Variants in CSPP1 observed in about 807,000 individuals in gnomAD.
The protein encoded by CSPP1 is centrosome and spindle pole-associated protein 1.
Under a neutral mutation model 164.4 loss-of-function variants are expected in CSPP1, and 126 were observed. The ratio of observed to expected loss-of-function variants is 0.77; its 90% CI spans 0.66 to 0.89. The LOEUF (loss-of-function observed/expected upper bound fraction) is 0.89, where lower values mean the gene tolerates loss of function less well. Among genes scored for constraint, CSPP1 ranks in the 40% least tolerant of loss-of-function variants. CSPP1 has a pLI of 0.00. For synonymous variants in CSPP1, 472 were observed against 476.7 expected, an observed-to-expected ratio of 0.99 and a Z score of 0.13; for missense variants, 1,395 against 1,449.8, an observed-to-expected ratio of 0.96 and a Z score of 0.61.
rs114031030 is a variant in CSPP1 at position 67,070,157 on chromosome 8, T to C, written c.-10-4086T>C. Among the ~76,000 whole-genome samples, 327 of 152,122 alleles carry C rather than the reference T, an allele frequency of 2.1e-3. 1 individual carries two copies. The highest frequency in any genetic ancestry group is 6.7e-3 in the African/African-American group (280 of 41,526). On this transcript the variant is annotated intron_variant, in intron 1 of 30. Coordinates refer to ENST00000678616, the MANE Select transcript of CSPP1 (RefSeq NM_001382391.1). ...ACTAGGAAAAATCTTTCGTGACTATTAGCAAATTAAAAATGGCTGAAATAA... is the reference window on the plus strand; with the variant it reads ...ACTAGGAAAAATCTTTCGTGACTATCAGCAAATTAAAAATGGCTGAAATAA...
intron 9 of CSPP1, among the ~76,000 whole-genome samples, chr8:67,108,639 T>A (rs1343553617): frequency 1.3e-5 from 2 of 152,172 alleles, no homozygotes; most frequent in African/African-American, 4.8e-5. Context: ...CCCTCCACAC[T>A]TTCCCCTTCT....
chr8:67,184,744 T>TAATAATAATAATAATA (rs1554621539), intron 28 of CSPP1, among the ~76,000 whole-genome samples: 2 of 142,498 alleles, frequency 1.4e-5, no homozygotes, highest in African/African-American at 5.3e-5. Flanking sequence ...AATAAAAAAA[T>TAATAATAATAATAATA]ATAATAATAA....
intron 30 of CSPP1, among the ~76,000 whole-genome samples, chr8:67,194,886 T>C (rs1374039916): frequency 3.9e-5 from 6 of 152,190 alleles, no homozygotes; most frequent in Non-Finnish European, 8.8e-5. Flanking sequence ...ATGGAAGTAA[T>C]CTCATGCCAA....
At position 67,179,850 on chromosome 8, in the gene CSPP1, A is replaced by G; in HGVS notation, c.3157-13A>G. ...AACTAATAAAAATAGTCATTGAAAC[A>G]TGTTTCTTTTAGCCCAGAGATGACA... On this transcript the variant is annotated splice_polypyrimidine_tract_variant and intron_variant, in intron 27 of 30. Coordinates refer to ENST00000678616, the MANE Select transcript of CSPP1 (RefSeq NM_001382391.1). 6.4e-7 allele frequency: 1 copy of G among 1,568,134 alleles called. No individual in the cohort carries two copies. Among genetic ancestry groups the G allele is most frequent in the South Asian group, 1.1e-5 (1 of 87,886 alleles).
chr8:67,105,891 C>A lies in CSPP1; in HGVS notation c.1023-14C>A. On this transcript the variant is annotated splice_polypyrimidine_tract_variant and intron_variant, in intron 8 of 30. Transcript: ENST00000678616. ...ATTTTAATTTACTCTTTTTCTCTGT[C>A]TTTTTTTCTTTAGTGCTCCAGACAA... 2 of 1,463,462 alleles carry A rather than the reference C, an allele frequency of 1.4e-6. No individual in the cohort carries two copies. The highest frequency in any genetic ancestry group is 1.9e-6 in the Non-Finnish European group (2 of 1,045,734). 90.7% of individuals were successfully genotyped at this position (1,463,462 alleles called of 1,614,324 possible).
intron 16 of CSPP1, chr8:67,133,688 C>T (rs1821697385): frequency 6.6e-6 from 1 of 152,162 alleles, no homozygotes; most frequent in South Asian, 2.1e-4. Flanking sequence ...ATTGACTCCT[C>T]CATTCATGAG....
At chr8:67,104,620 C>T (rs1038562835) in intron 8 of CSPP1, among the ~76,000 whole-genome samples, 15 of 150,732 alleles carry the variant, frequency 1.0e-4, no homozygotes, top group Non-Finnish European at 7.4e-5. Flanking sequence ...TTTTTATTTA[C>T]GTGCACTTTT....
Position 67,113,796 on chromosome 8 carries a change from T to C in CSPP1, c.1188-9T>C, listed in dbSNP as rs1817368132. On this transcript the variant is annotated splice_polypyrimidine_tract_variant and intron_variant, in intron 10 of 30. Transcript: ENST00000678616. ...TCTTTTTAATATGTAAAACTTTAAT[T>C]TTGTTTAGAGAAAAAGATTTAGAAC... 2 of 1,494,630 alleles carry C rather than the reference T, an allele frequency of 1.3e-6. No homozygotes were observed. The highest frequency in any genetic ancestry group is 1.8e-6 in the Non-Finnish European group (2 of 1,091,966). 92.6% of individuals were successfully genotyped at this position (1,494,630 alleles called of 1,614,324 possible).
In CSPP1 at chr8:67,093,653, TTTTGAATTAA is replaced by T; in HGVS notation, c.483+13_483+22del. 6.6e-7 allele frequency: 1 copy of T among 1,523,988 alleles called. No homozygotes were observed. The highest frequency in any genetic ancestry group is 9.1e-7 in the Non-Finnish European group (1 of 1,101,146). 94.4% of individuals were successfully genotyped at this position (1,523,988 alleles called of 1,614,324 possible). On this transcript the variant is annotated intron_variant, in intron 6 of 30. Coordinates refer to ENST00000678616, the MANE Select transcript of CSPP1 (RefSeq NM_001382391.1). ...AAAAGAGTACTGAGGTAGGTTTTGCTTTTGAATTAAATCTGTACTACTACTACCACAGGTT... is the reference window on the plus strand; with the variant it reads ...AAAAGAGTACTGAGGTAGGTTTTGCTATCTGTACTACTACTACCACAGGTT...
intron 17 of CSPP1, among the ~76,000 whole-genome samples, chr8:67,140,595 C>T (rs1823307706): frequency 6.6e-6 from 1 of 152,146 alleles, no homozygotes; most frequent in Non-Finnish European, 1.5e-5. Context: ...CACTAGTTTT[C>T]CATTTATGAA....
In CSPP1 at chr8:67,146,122, C is replaced by CTT. The variant is rs939978795; in HGVS notation, c.1976-3644_1976-3643dup. 9.9e-4 allele frequency among the ~76,000 whole-genome samples: 124 copies of CTT among 125,114 alleles called. 1 individual carries two copies. The highest frequency in any genetic ancestry group is 2.7e-3 in the African/African-American group (92 of 33,478). The allele number at this position is 125,114 out of a possible 152,430, so 82.1% of individuals were successfully genotyped here. A position where few individuals can be genotyped will look rare whatever the true frequency, so the allele number is the denominator to read the frequency against. On this transcript the variant is annotated intron_variant, in intron 17 of 30. Transcript: ENST00000678616. ...CTGTTTTGTAAGAGAATATACTTTT[C>CTT]TTTTTTTTTTTTTTTTTTGAGACAA... is the stretch of plus-strand genomic sequence containing the variant.
At chr8:67,097,969 G>A (rs1176848224) in intron 7 of CSPP1, among the ~76,000 whole-genome samples, 1 of 148,228 alleles carries the variant, frequency 6.7e-6, no homozygotes, top group African/African-American at 2.5e-5. Flanking sequence ...ATCTCCAAGT[G>A]TTTTTTCTTA....
intron 28 of CSPP1, among the ~76,000 whole-genome samples, chr8:67,187,002 TATCTATCTATCTA>T (rs1397791359): frequency 3.3e-5 from 5 of 151,412 alleles, no homozygotes; most frequent in African/African-American, 7.3e-5. Flanking sequence ...TCTATCTATC[TATCTATCTATCTA>T]ATCTATCTAT....
In CSPP1 at chr8:67,150,064, A is replaced by G. The variant is rs146356696; in HGVS notation, c.2128+129A>G. 433 of 922,352 alleles carry G rather than the reference A, an allele frequency of 4.7e-4. 3 individuals are homozygous for G. In the African/African-American group the frequency reaches 6.9e-3, roughly 15 times the overall value. The allele number at this position is 922,352 out of a possible 1,614,324, so 57.1% of individuals were successfully genotyped here. A position where few individuals can be genotyped will look rare whatever the true frequency, so the allele number is the denominator to read the frequency against. ...TGGCTATCCTGATACAGGAAACATA[A>G]CACACTATTCATAAAGTGCCTTTTC... On this transcript the variant is annotated intron_variant, in intron 18 of 30. Transcript: ENST00000678616.
Position 67,160,247 on chromosome 8 carries a change from T to C in CSPP1, c.2538+1110T>C, listed in dbSNP as rs1348529259. On this transcript the variant is annotated intron_variant, in intron 21 of 30. Coordinates refer to ENST00000678616, the MANE Select transcript of CSPP1 (RefSeq NM_001382391.1). Reference sequence around the variant, plus strand: ...TTTAAGGTCGAGGCAGGCGGATCACTTGAGGCCAGGAGATCGAGACCAGCC... The same window carrying C: ...TTTAAGGTCGAGGCAGGCGGATCACCTGAGGCCAGGAGATCGAGACCAGCC... 4.6e-5 allele frequency among the ~76,000 whole-genome samples: 7 copies of C among 151,304 alleles called. No homozygotes were observed. The East Asian group carries it at 7.8e-4, about 17-fold the overall frequency.
intron 7 of CSPP1, 78 bp from the exon 8 acceptor site, chr8:67,102,959 C>T: frequency 2.6e-6 from 2 of 768,524 alleles, no homozygotes; most frequent in Non-Finnish European, 2.2e-6. Flanking sequence ...TTGCCAACAT[C>T]AAATGTAAAA....
intron 1 of CSPP1, among the ~76,000 whole-genome samples, chr8:67,068,328 T>G (rs1015867924): frequency 6.6e-6 from 1 of 152,250 alleles, no homozygotes; most frequent in Non-Finnish European, 1.5e-5. Context: ...GAAGTATATT[T>G]CAAACTCAGT....
At chr8:67,126,894 G>A (rs1341905464) in intron 15 of CSPP1, among the ~76,000 whole-genome samples, 1 of 151,992 alleles carries the variant, frequency 6.6e-6, no homozygotes. Flanking sequence ...TTCTGAGTCT[G>A]GTAAAATATA....
chr8:67,129,941 A>G (rs1586354020), intron 15 of CSPP1, among the ~76,000 whole-genome samples: 1 of 152,224 alleles, frequency 6.6e-6, no homozygotes, highest in Non-Finnish European at 1.5e-5. Context: ...ACAACTCTAT[A>G]AATTTACTAA....
Sources: gnomAD v4.1 joint callset for allele counts (sites outside exome capture counted in the v4.1 genomes callset) on GRCh38, gnomAD v4.1.1 for gene constraint, MANE v1.5 for transcripts, NCBI Gene and HGNC (gene_info 2026-07-23, HGNC 2026-07-21) for gene names.